Variants in AK6 observed in about 807,000 individuals in gnomAD.
AK6 encodes the protein adenylate kinase isoenzyme 6.
AK6 carries 24 observed loss-of-function variants against 23.7 expected under a neutral mutation model. That is an observed-to-expected ratio of 1.01 (90% confidence interval 0.73 to 1.43). The LOEUF (loss-of-function observed/expected upper bound fraction) is 1.43. AK6 is among the 40% of genes most tolerant of loss of function. The probability of loss-of-function intolerance (pLI) is 0.00; values close to 1 mark genes in which losing one functional copy is unlikely to be tolerated. For synonymous variants in AK6, 73 were observed against 69.8 expected, an observed-to-expected ratio of 1.05 and a Z score of -0.23; for missense variants, 191 against 199.1, an observed-to-expected ratio of 0.96 and a Z score of 0.24.
intron 4 of AK6, among the ~76,000 whole-genome samples, chr5:69,352,924 T>A (rs1761984860): frequency 6.6e-6 from 1 of 152,146 alleles, no homozygotes; most frequent in Admixed American, 6.6e-5. Flanking sequence ...AAACACATGA[T>A]GTCCACACAA....
rs545379152 is a variant in AK6, at chr5:69,351,134, C to T, written c.*927G>A. 2 of 152,248 alleles carry T rather than the reference C, an allele frequency of 1.3e-5. No homozygotes were observed. Among genetic ancestry groups the T allele is most frequent in the Non-Finnish European group, 2.9e-5 (2 of 68,012 alleles). The allele number at this position is 152,248 out of a possible 1,614,324, so 9.4% of individuals were successfully genotyped here. ...TTCCCTTTATCATCACTGCTTCCTC[C>T]ACAGTGGTGACAGTTACATAACCTT... On this transcript the variant is annotated 3_prime_UTR_variant, in exon 5 of 5. Transcript: ENST00000380822.
At chr5:69,357,086 G>C (rs1762102658) in intron 2 of AK6, among the ~76,000 whole-genome samples, 1 of 152,118 alleles carries the variant, frequency 6.6e-6, no homozygotes, top group Non-Finnish European at 1.5e-5. Context: ...TAATATTTTG[G>C]TACGGGTTGA....
intron 2 of AK6, among the ~76,000 whole-genome samples, chr5:69,358,551 A>ACTTGAACC (rs1308957381): frequency 6.7e-6 from 1 of 149,682 alleles, no homozygotes; most frequent in Non-Finnish European, 1.5e-5. Flanking sequence ...AAGAAAGATG[A>ACTTGAACC]CTTGAACCAA....
chr5:69,365,831 A>T (rs942450406), intron 2 of AK6: 5 of 1,115,784 alleles, frequency 4.5e-6, no homozygotes, highest in Non-Finnish European at 6.1e-6. Context: ...TCAGGAACTT[A>T]AAAAAATTTT....
chr5:69,369,651 G>A, upstream of AK6: 1 of 1,561,202 alleles, frequency 6.4e-7, no homozygotes, highest in Non-Finnish European at 8.7e-7. Context: ...GCGGCCCACT[G>A]GTTACCTGGC....
chr5:69,364,976 G>GTCA, intron 2 of AK6: 2 of 1,612,678 alleles, frequency 1.2e-6, no homozygotes, highest in East Asian at 2.2e-5. Context: ...CATCATCATC[G>GTCA]TCATCATCAT....
chr5:69,364,014 G>A (rs1460829695), intron 2 of AK6, among the ~76,000 whole-genome samples: 1 of 152,052 alleles, frequency 6.6e-6, no homozygotes, highest in Admixed American at 6.6e-5. Flanking sequence ...CTGGAACCTG[G>A]GACATAGAGG....
chr5:69,352,350 G>GA, intron 4 of AK6, 97 bp from the exon 5 acceptor site: 2 of 922,736 alleles, frequency 2.2e-6, no homozygotes, highest in Non-Finnish European at 1.6e-6. Flanking sequence ...TTCAATACGT[G>GA]AAAAATTACA....
At chr5:69,354,675 G>A (rs1254576952) in intron 4 of AK6, among the ~76,000 whole-genome samples, 2 of 152,170 alleles carry the variant, frequency 1.3e-5, no homozygotes, top group African/African-American at 4.8e-5. Context: ...TGAAATGCTG[G>A]TTTATTTTGT....
intron 4 of AK6, 45 bp downstream of exon 4, chr5:69,355,604 A>C: frequency 1.3e-6 from 2 of 1,525,830 alleles, no homozygotes; most frequent in Non-Finnish European, 1.8e-6. Context: ...ATCTGAATAA[A>C]AGTTAACATT....
rs1762067757 is a variant in AK6, at chr5:69,355,741, G to A, written c.234C>T (p.Tyr78=). 1.9e-6 allele frequency: 3 copies of A among 1,613,788 alleles called. No individual in the cohort carries two copies. Among genetic ancestry groups the A allele is most frequent in the Non-Finnish European group, 2.5e-6 (3 of 1,179,914 alleles). Residue 78 remains tyrosine, a synonymous_variant, in exon 4 of 5, where the codon TAC becomes TAT. Transcript: ENST00000380822. ...QMREGGVIVD[Y]HGCDFFPERW... ...GTTCAGGGAAGAAATCACAACCATG[G>A]TAATCAACAATAACTCCACCTTCTC...
chr5:69,369,294 C>A (rs954118188), intron 1 of AK6, 169 bp downstream of exon 1: 3 of 614,570 alleles, frequency 4.9e-6, no homozygotes, highest in Non-Finnish European at 7.6e-6. Flanking sequence ...TCCCTCGCCT[C>A]CCGCAACGCC....
Position 69,355,649 on chromosome 5 carries a change from C to A in AK6, c.326G>T (p.Arg109Met). 6.3e-7 allele frequency: 1 copy of A among 1,589,302 alleles called. No individual in the cohort carries two copies. Among genetic ancestry groups the A allele is most frequent in the Non-Finnish European group, 8.5e-7 (1 of 1,171,642 alleles). ...GAATCTAATGTTTTTCCTTTCTTAC[C>A]TTGTTTCAAGTCTTTCGTACAATAC... ...TNVLYERLETRGYNEKKLTDN... is the reference protein window; with the variant it reads ...TNVLYERLETMGYNEKKLTDN... The change falls in exon 4 of 5, where the codon AGG becomes ATG. Residue 109 changes from arginine (R) to methionine (M), a missense_variant and splice_region_variant. Physicochemically the swap from Arg to Met is moderately conservative, Grantham distance 91. Coordinates refer to ENST00000380822, the MANE Select transcript of AK6 (RefSeq NM_016283.5).
At chr5:69,368,232 C>T (rs1173956456) in intron 1 of AK6, among the ~76,000 whole-genome samples, 1 of 152,110 alleles carries the variant, frequency 6.6e-6, no homozygotes, top group Admixed American at 6.5e-5. Flanking sequence ...ATACTATATA[C>T]ATTGTTCTTT....
chr5:69,357,207 G>A (rs1762106227), intron 2 of AK6, among the ~76,000 whole-genome samples: 1 of 152,210 alleles, frequency 6.6e-6, no homozygotes, highest in South Asian at 2.1e-4. Flanking sequence ...GTAACTCCTT[G>A]TCTTGCCTGG....
At chr5:69,354,093 T>C (rs1762020810) in intron 4 of AK6, among the ~76,000 whole-genome samples, 1 of 152,188 alleles carries the variant, frequency 6.6e-6, no homozygotes, top group African/African-American at 2.4e-5. Flanking sequence ...CACCCAACCA[T>C]GCCCAGCCTA....
intron 4 of AK6, among the ~76,000 whole-genome samples, chr5:69,354,606 CT>C (rs1421242864): frequency 6.6e-6 from 1 of 152,198 alleles, no homozygotes; most frequent in Non-Finnish European, 1.5e-5. Flanking sequence ...TTTACTGGTT[CT>C]TCCGCATTAA....
chr5:69,364,565 G>A, intron 2 of AK6, among the ~76,000 whole-genome samples: 1 of 152,212 alleles, frequency 6.6e-6, no homozygotes, highest in East Asian at 1.9e-4. Flanking sequence ...TCACAAGAGT[G>A]ACGTACACAC....
chr5:69,366,686 A>G (rs1762440670), intron 1 of AK6, 91 bp from the exon 2 acceptor site: 1 of 970,022 alleles, frequency 1.0e-6, no homozygotes, highest in Non-Finnish European at 1.6e-6. Flanking sequence ...TTTTTGAGAC[A>G]GAGTCTCACC....
Sources: allele counts gnomAD v4.1 joint callset (sites outside exome capture counted in the v4.1 genomes callset), GRCh38; gene constraint gnomAD v4.1.1; transcripts MANE v1.5; gene names NCBI Gene and HGNC (gene_info 2026-07-23, HGNC 2026-07-21).